PCDHA2: variants seen among roughly 807,000 people sequenced by gnomAD.
PCDHA2 encodes the protein protocadherin alpha 2.
In PCDHA2, 58 loss-of-function variants were observed where a neutral mutation model predicts 66.0. The observed-to-expected ratio is 0.88, with a 90% confidence interval of 0.71 to 1.09. The LOEUF is 1.09. Among genes scored for constraint, PCDHA2 ranks in the 50% least tolerant of loss-of-function variants. The pLI is 0.00. For synonymous variants in PCDHA2, 634 were observed against 554.0 expected (o/e 1.14, Z -2.03); for missense variants, 1,267 against 1,242.3 (o/e 1.02, Z -0.30).
intron 1 of PCDHA2, among the ~76,000 whole-genome samples, chr5:140,947,528 T>C (rs1175792550): frequency 6.6e-6 from 1 of 151,692 alleles, no homozygotes; most frequent in African/African-American, 2.4e-5. Context: ...GAATCAACTT[T>C]TCAATTTCTA....
Position 140,808,446 on chromosome 5 carries a change from C to A in PCDHA2, c.2388+11094C>A, listed in dbSNP as rs782693036. ...GCCCTGGACCGCGAGAGCGTGTCAG[C>A]CTATGAGCTGGTGGTGACCGCGCGA... On this transcript the variant is annotated intron_variant, in intron 1 of 3. Coordinates refer to ENST00000526136, the MANE Select transcript of PCDHA2 (RefSeq NM_018905.3). The A allele has an allele frequency of 2.2e-5, 36 of 1,614,080 alleles. No individual in the cohort carries two copies. The highest frequency in any genetic ancestry group is 4.2e-6 in the Non-Finnish European group (5 of 1,180,060).
At chr5:140,985,579 C>T (rs2097158687) in intron 3 of PCDHA2, among the ~76,000 whole-genome samples, 1 of 152,084 alleles carries the variant, frequency 6.6e-6, no homozygotes, top group African/African-American at 2.4e-5. Context: ...GTGCCTAAGC[C>T]TCCTTATACT....
At chr5:140,822,834 C>A in intron 1 of PCDHA2, 1 of 1,614,218 alleles carries the variant, frequency 6.2e-7, no homozygotes, top group Middle Eastern at 1.6e-4. Flanking sequence ...CCATAACCAC[C>A]CTTTTCCTGC....
At chr5:140,819,551 T>C (rs1454917586) in intron 1 of PCDHA2, among the ~76,000 whole-genome samples, 1 of 152,140 alleles carries the variant, frequency 6.6e-6, no homozygotes, top group Non-Finnish European at 1.5e-5. Context: ...TAACATTTGA[T>C]TGAAGAAAAT....
At chr5:140,875,941 G>A in intron 1 of PCDHA2, 3 of 1,614,160 alleles carry the variant, frequency 1.9e-6, no homozygotes, top group East Asian at 4.5e-5. Context: ...TCTAGAGGGC[G>A]CTTCTGATGC....
intron 3 of PCDHA2, among the ~76,000 whole-genome samples, chr5:140,994,520 T>C (rs2097631658): frequency 6.8e-6 from 1 of 147,840 alleles, no homozygotes; most frequent in African/African-American, 2.6e-5. Context: ...CTGGGCAACA[T>C]GGCAAAACCC....
intron 1 of PCDHA2, among the ~76,000 whole-genome samples, chr5:140,819,733 T>C (rs1554127740): frequency 6.6e-6 from 1 of 152,076 alleles, no homozygotes; most frequent in East Asian, 1.9e-4. Context: ...GATATGAAAG[T>C]GAATCAAAAG....
chr5:140,883,575 G>A (rs782472492), intron 1 of PCDHA2: 2 of 1,614,072 alleles, frequency 1.2e-6, no homozygotes, highest in Non-Finnish European at 1.7e-6. Flanking sequence ...CCTTCGCTGT[G>A]GGCCACGGCC....
intron 1 of PCDHA2, chr5:140,859,420 CT>C (rs2045858037): frequency 8.6e-6 from 2 of 233,034 alleles, no homozygotes; most frequent in Non-Finnish European, 8.1e-6. Context: ...ATGATATAGA[CT>C]CAGAAATGAA....
At chr5:140,843,154 G>T in intron 1 of PCDHA2, 3 of 1,596,128 alleles carry the variant, frequency 1.9e-6, no homozygotes, top group Non-Finnish European at 2.6e-6. Context: ...CGTATGAGCT[G>T]CAGCCAGCTG....
rs1554231789 is a variant in PCDHA2 at position 140,969,430 on chromosome 5, A to G, written c.2389-9519A>G. ...CTTTATTGAGTCATTAACAGTGACAAGAGTTATCTGGTAAACTGAGTATAT... is the reference window on the plus strand; with the variant it reads ...CTTTATTGAGTCATTAACAGTGACAGGAGTTATCTGGTAAACTGAGTATAT... On this transcript the variant is annotated intron_variant, in intron 1 of 3. Transcript: ENST00000526136. The G allele has an allele frequency of 1.2e-5, 19 of 1,554,588 alleles. 1 individual carries two copies. The Admixed American group carries it at 3.5e-4, about 29-fold the overall frequency.
chr5:140,835,712 G>C, intron 1 of PCDHA2: 1 of 1,613,796 alleles, frequency 6.2e-7, no homozygotes, highest in Non-Finnish European at 8.5e-7. Flanking sequence ...GCGTGTCCGT[G>C]GAGGTGGCCG....
At chr5:141,002,550 G>A (rs1458455103) in intron 3 of PCDHA2, among the ~76,000 whole-genome samples, 1 of 152,186 alleles carries the variant, frequency 6.6e-6, no homozygotes, top group African/African-American at 2.4e-5. Context: ...TGAGTCCCAG[G>A]ATCCACCAGT....
chr5:140,892,246 G>T lies in PCDHA2; in HGVS notation c.2389-86703G>T, dbSNP rs895446433. Among the ~76,000 whole-genome samples the T allele has an allele frequency of 5.9e-5, 9 of 152,166 alleles. No individual in the cohort carries two copies. In the East Asian group the frequency reaches 1.7e-3, roughly 29 times the overall value. Reference sequence around the variant, plus strand: ...GGTGTTTTGTCTCCACATAAACCTGGTTATCTTTGATTTTGTGCTGAAAGT... The same window carrying T: ...GGTGTTTTGTCTCCACATAAACCTGTTTATCTTTGATTTTGTGCTGAAAGT... On this transcript the variant is annotated intron_variant, in intron 1 of 3. Coordinates refer to ENST00000526136, the MANE Select transcript of PCDHA2 (RefSeq NM_018905.3).
At chr5:140,890,526 ATCT>A (rs2062679933) in intron 1 of PCDHA2, among the ~76,000 whole-genome samples, 1 of 151,278 alleles carries the variant, frequency 6.6e-6, no homozygotes, top group Admixed American at 6.6e-5. Flanking sequence ...TCCTTTGTTG[ATCT>A]TCTTTTGAAA....
In PCDHA2 at chr5:140,884,156, G is replaced by C. The variant is rs1554181298; in HGVS notation, c.2388+86804G>C. 1 of 1,613,448 alleles carries C rather than the reference G, an allele frequency of 6.2e-7. No homozygotes were observed. Among genetic ancestry groups the C allele is most frequent in the Admixed American group, 1.7e-5 (1 of 60,012 alleles). On this transcript the variant is annotated intron_variant, in intron 1 of 3. Transcript: ENST00000526136. ...GTTCCGCGTGGGGCTGTACACTGGC[G>C]AGATCAGCACGACGCGCCCTCTGGA...
At chr5:140,909,951 G>A (rs560555991) in intron 1 of PCDHA2, among the ~76,000 whole-genome samples, 401 of 152,302 alleles carry the variant, frequency 2.6e-3, no homozygotes, top group African/African-American at 8.3e-3. Context: ...GTAAAAAGCC[G>A]TAGGTCTCCA....
chr5:140,911,445 A>C (rs1327839733), intron 1 of PCDHA2, among the ~76,000 whole-genome samples: 1 of 152,184 alleles, frequency 6.6e-6, no homozygotes, highest in Non-Finnish European at 1.5e-5. Context: ...CCGCAATTTC[A>C]GCTCTTTCTC....
chr5:140,852,913 C>G, intron 1 of PCDHA2: 9 of 789,792 alleles, frequency 1.1e-5, no homozygotes, highest in Non-Finnish European at 1.4e-5. Flanking sequence ...GAGTCTCGCT[C>G]TGTTGCCCAG....
Sources: gnomAD v4.1 joint callset for allele counts (sites outside exome capture counted in the v4.1 genomes callset) on GRCh38, gnomAD v4.1.1 for gene constraint, MANE v1.5 for transcripts, NCBI Gene and HGNC (gene_info 2026-07-23, HGNC 2026-07-21) for gene names.